Variants in GRIK4 observed in about 807,000 individuals in gnomAD.
GRIK4 encodes the protein glutamate receptor ionotropic, kainate 4.
In GRIK4, 40 loss-of-function variants were observed where a neutral mutation model predicts 104.9. The observed-to-expected ratio is 0.38, with a 90% CI of 0.30 to 0.50. The LOEUF is 0.50. Among genes scored for constraint, GRIK4 ranks in the 20% least tolerant of loss-of-function variants. The pLI is 0.93. For missense variants in GRIK4, 1,047 were observed against 1,308.1 expected, an observed-to-expected ratio of 0.80 and a Z score of 3.08; for synonymous variants, 485 against 524.9, an observed-to-expected ratio of 0.92 and a Z score of 1.04.
chr11:120,815,590 T>C, intron 5 of GRIK4, 115 bp downstream of exon 5: 1 of 592,896 alleles, frequency 1.7e-6, no homozygotes, highest in Non-Finnish European at 2.9e-6. Flanking sequence ...GTTGGTATCA[T>C]TAATAACAAC....
chr11:120,516,337 C>G (rs1313757673), intron 1 of GRIK4, among the ~76,000 whole-genome samples: 5 of 152,106 alleles, frequency 3.3e-5, no homozygotes, highest in African/African-American at 1.2e-4. Context: ...GGAAGGAAGA[C>G]TCACAGTGAG....
At chr11:120,594,307 G>A (rs971343546) in intron 1 of GRIK4, among the ~76,000 whole-genome samples, 20 of 152,124 alleles carry the variant, frequency 1.3e-4, no homozygotes, top group Admixed American at 1.0e-3. Context: ...GTGAGACCCC[G>A]TGTCTTAAAA....
At chr11:120,765,226 CCTTT>C (rs947280948) in intron 3 of GRIK4, among the ~76,000 whole-genome samples, 2 of 151,538 alleles carry the variant, frequency 1.3e-5, no homozygotes, top group African/African-American at 4.9e-5. Flanking sequence ...TCTCTGATAT[CCTTT>C]CTTCTGCTTG....
intron 3 of GRIK4, among the ~76,000 whole-genome samples, chr11:120,796,956 C>T (rs999461186): frequency 2.6e-5 from 4 of 151,510 alleles, no homozygotes; most frequent in Admixed American, 6.6e-5. Context: ...GTTTGGGGGG[C>T]GGAGAAGGGC....
intron 1 of GRIK4, among the ~76,000 whole-genome samples, chr11:120,590,291 T>C (rs111299195): frequency 1.3e-5 from 2 of 152,332 alleles, no homozygotes; most frequent in Admixed American, 6.5e-5. Context: ...GGCCTCCACC[T>C]GCAGGCCTTA....
At chr11:120,520,350 C>T (rs1947781982) in intron 1 of GRIK4, among the ~76,000 whole-genome samples, 1 of 152,244 alleles carries the variant, frequency 6.6e-6, no homozygotes, top group South Asian at 2.1e-4. Context: ...TTTTGGAACT[C>T]TCCTTCCCTT....
At chr11:120,606,409 T>C (rs1253074987) in intron 1 of GRIK4, among the ~76,000 whole-genome samples, 1 of 152,184 alleles carries the variant, frequency 6.6e-6, no homozygotes, top group Non-Finnish European at 1.5e-5. Flanking sequence ...TACATAGCGC[T>C]GTAAACATTT....
intron 1 of GRIK4, among the ~76,000 whole-genome samples, chr11:120,594,865 G>A (rs181188416): frequency 2.6e-4 from 39 of 152,332 alleles, no homozygotes; most frequent in Non-Finnish European, 5.0e-4. Flanking sequence ...AAGATGGGCT[G>A]CCCTCATACG....
chr11:120,690,915 G>A (rs1235793487), intron 3 of GRIK4, among the ~76,000 whole-genome samples: 1 of 152,106 alleles, frequency 6.6e-6, no homozygotes, highest in Non-Finnish European at 1.5e-5. Flanking sequence ...GTAGGCCCTC[G>A]TTCTCTAGGT....
At position 120,819,872 on chromosome 11, in the gene GRIK4, A is replaced by G. The variant is rs1953063852; in HGVS notation, c.463A>G (p.Asn155Asp). ...CAGCGTGGCTGTAGCTGGGATCCTG[A>G]ACTTCTTCAACTGCACCACCGCCTG... Reference protein sequence around the residue: ...DISVAVAGILNFFNCTTACLI... With the variant: ...DISVAVAGILDFFNCTTACLI... Residue 155 changes from asparagine (N) to aspartate (D), a missense_variant, in exon 6 of 21, where the codon AAC (asparagine) becomes GAC (aspartate). By Grantham distance (23) the Asn-to-Asp change is conservative. Transcript: ENST00000527524. This position sits in a 1 kb window ranked among gnomAD's most constrained non-coding sequence, Gnocchi z 4.3. 1 of 1,614,066 alleles carries G rather than the reference A, an allele frequency of 6.2e-7. No individual in the cohort carries two copies. Among genetic ancestry groups the G allele is most frequent in the East Asian group, 2.2e-5 (1 of 44,874 alleles).
rs143721988 is a variant in GRIK4 at position 120,571,263 on chromosome 11, A to T, written c.-159+59376A>T. On this transcript the variant is annotated intron_variant, in intron 1 of 20. Transcript: ENST00000527524. Reference sequence around the variant, plus strand: ...GTTTTGATGGAGCGTGCTCTCCAGGAGTTTTCTCAGATTGAAAAGCTGTGC... The same window carrying T: ...GTTTTGATGGAGCGTGCTCTCCAGGTGTTTTCTCAGATTGAAAAGCTGTGC... 6.1e-3 allele frequency among the ~76,000 whole-genome samples: 928 copies of T among 152,088 alleles called. 8 individuals carry two copies. The highest frequency in any genetic ancestry group is 0.02 in the African/African-American group (835 of 41,466).
intron 1 of GRIK4, among the ~76,000 whole-genome samples, chr11:120,542,618 AC>A (rs1362014743): frequency 6.6e-6 from 1 of 152,248 alleles, no homozygotes. Flanking sequence ...CAAAATAACA[AC>A]CCAATTAAAA....
chr11:120,565,199 C>T (rs775115142), intron 1 of GRIK4, among the ~76,000 whole-genome samples: 2 of 152,218 alleles, frequency 1.3e-5, no homozygotes, highest in African/African-American at 4.8e-5. Flanking sequence ...TCCCGGCCGC[C>T]GCCACGCGGG....
intron 1 of GRIK4, among the ~76,000 whole-genome samples, chr11:120,533,681 C>G (rs1947944121): frequency 6.6e-6 from 1 of 152,198 alleles, no homozygotes; most frequent in Non-Finnish European, 1.5e-5. Context: ...AGTTCGAGAC[C>G]AGCCTGGCCA....
chr11:120,806,267 G>A (rs1952710650), intron 4 of GRIK4, among the ~76,000 whole-genome samples: 1 of 152,180 alleles, frequency 6.6e-6, no homozygotes, highest in Admixed American at 6.5e-5. Flanking sequence ...ACTGTCTCCA[G>A]GGCTGTTCTC....
chr11:120,691,756 C>T (rs1406374718), intron 3 of GRIK4, among the ~76,000 whole-genome samples: 1 of 152,176 alleles, frequency 6.6e-6, no homozygotes, highest in Non-Finnish European at 1.5e-5. Context: ...CCAAATGCCT[C>T]TCCCTTTATC....
intron 13 of GRIK4, among the ~76,000 whole-genome samples, chr11:120,928,023 T>A (rs572844114): frequency 1.3e-5 from 2 of 151,970 alleles, no homozygotes; most frequent in Non-Finnish European, 2.9e-5. Context: ...GAGACCAGCC[T>A]GGCCAACGTG....
intron 11 of GRIK4, chr11:120,894,197 C>T (rs1363942521): frequency 6.6e-6 from 1 of 152,214 alleles, no homozygotes; most frequent in African/African-American, 2.4e-5. Context: ...AGGGTTGACA[C>T]AGTACCTTGC....
At chr11:120,858,634 A>G (rs1954179675) in intron 8 of GRIK4, 1 of 152,216 alleles carries the variant, frequency 6.6e-6, no homozygotes, top group Admixed American at 6.5e-5. Flanking sequence ...TTCCAGCCTT[A>G]TCTGAGCATG....
Sources: gnomAD v4.1 joint callset for allele counts (sites outside exome capture counted in the v4.1 genomes callset) on GRCh38, gnomAD v4.1.1 for gene constraint, Gnocchi (gnomAD v3.1) non-coding constraint, MANE v1.5 for transcripts, NCBI Gene and HGNC (gene_info 2026-07-23, HGNC 2026-07-21) for gene names.